The following NALCN variants were observed in gnomAD, a reference collection of about 807,000 sequenced individuals.
NALCN encodes sodium leak channel, non-selective.
In NALCN, 111 loss-of-function variants were observed where a neutral mutation model predicts 225.3. That is an observed-to-expected ratio of 0.49 (90% CI 0.42 to 0.58). NALCN has a LOEUF of 0.58. Among genes scored for constraint, NALCN ranks in the 20% least tolerant of loss-of-function variants. The pLI is 0.00. For synonymous variants in NALCN, 764 were observed against 769.0 expected, an observed-to-expected ratio of 0.99 and a Z score of 0.11; for missense variants, 1,378 against 2,202.4, an observed-to-expected ratio of 0.63 and a Z score of 7.49.
Position 101,377,051 on chromosome 13 carries a change from A to C in NALCN, c.381T>G (p.Phe127Leu). The C allele has an allele frequency of 6.2e-7, 1 of 1,614,146 alleles. No individual in the cohort carries two copies. Among genetic ancestry groups the C allele is most frequent in the Non-Finnish European group, 8.5e-7 (1 of 1,180,002 alleles). Residue 127 changes from phenylalanine (F) to leucine (L), a missense_variant, in exon 5 of 44, where the codon TTT becomes TTG. Coordinates refer to ENST00000251127, the MANE Select transcript of NALCN (RefSeq NM_052867.4). ...CLWVSLVLQVFEIADIVDQMS... is the reference protein window; with the variant it reads ...CLWVSLVLQVLEIADIVDQMS... ...TCTGATCAACTATATCAGCAATTTC[A>C]AACACCTACAAATTAAAAGATGGGT... is the stretch of plus-strand genomic sequence containing the variant.
chr13:101,313,252 C>G (rs1314870595), intron 7 of NALCN, among the ~76,000 whole-genome samples: 9 of 152,090 alleles, frequency 5.9e-5, no homozygotes, highest in Admixed American at 5.9e-4. Flanking sequence ...TAGGCAATAC[C>G]ATTCAGGACA....
chr13:101,412,477 T>G (rs1028372600), intron 1 of NALCN, among the ~76,000 whole-genome samples: 1 of 152,210 alleles, frequency 6.6e-6, no homozygotes, highest in African/African-American at 2.4e-5. Context: ...ACCCTGGACC[T>G]GTGGGGTCAG....
At chr13:101,331,618 C>T (rs1215098491) in intron 7 of NALCN, among the ~76,000 whole-genome samples, 3 of 152,036 alleles carry the variant, frequency 2.0e-5, no homozygotes, top group African/African-American at 7.2e-5. Flanking sequence ...AACTGTTGCA[C>T]CTTGAGTTTC....
rs1392143073 is a variant in NALCN, at chr13:101,104,766, T to C, written c.2637-116A>G. On this transcript the variant is annotated intron_variant, in intron 23 of 43. Transcript: ENST00000251127. This position sits in a 1 kb window ranked among gnomAD's most constrained non-coding sequence, Gnocchi z 4.2. ...ATGACTGGTATTTTAAAAACATCATTCCCCAATCATCTATTTCATAGCACT... is the reference window on the plus strand; with the variant it reads ...ATGACTGGTATTTTAAAAACATCATCCCCCAATCATCTATTTCATAGCACT... The C allele has an allele frequency of 3.2e-6, 5 of 1,546,288 alleles. No individual in the cohort carries two copies. The highest frequency in any genetic ancestry group is 4.4e-6 in the Non-Finnish European group (5 of 1,129,936).
intron 1 of NALCN, among the ~76,000 whole-genome samples, chr13:101,408,897 T>C (rs1455111779): frequency 1.3e-5 from 2 of 152,160 alleles, no homozygotes; most frequent in African/African-American, 2.4e-5. Context: ...AAACAGACTC[T>C]TCTGTTTTCC....
chr13:101,298,546 T>C (rs1341871296), intron 7 of NALCN, among the ~76,000 whole-genome samples: 1 of 152,164 alleles, frequency 6.6e-6, no homozygotes, highest in Non-Finnish European at 1.5e-5. Flanking sequence ...GGCCTCGAAC[T>C]CCTGACCTCA....
At chr13:101,216,972 A>G (rs1018880677) in intron 13 of NALCN, among the ~76,000 whole-genome samples, 8 of 152,186 alleles carry the variant, frequency 5.3e-5, no homozygotes, top group African/African-American at 1.7e-4. Flanking sequence ...AGGATAATAT[A>G]TTACTTAGAA....
At chr13:101,261,164 G>C (rs1054529037) in intron 10 of NALCN, among the ~76,000 whole-genome samples, 9 of 152,176 alleles carry the variant, frequency 5.9e-5, no homozygotes, top group African/African-American at 2.2e-4. Context: ...TTAAAAATGA[G>C]TTCACTGTAG....
chr13:101,132,635 C>T (rs1008734254), intron 17 of NALCN, among the ~76,000 whole-genome samples: 4 of 151,802 alleles, frequency 2.6e-5, no homozygotes, highest in Non-Finnish European at 5.9e-5. Context: ...CTCTTTTTTC[C>T]AGATTAAAGA....
Position 101,143,179 on chromosome 13 carries a change from GT to G in NALCN, c.2018del (p.Asp673AlafsTer6), listed in dbSNP as rs1392988397. On this transcript the variant is annotated frameshift_variant, in exon 17 of 44. Coordinates refer to ENST00000251127, the MANE Select transcript of NALCN (RefSeq NM_052867.4). LOFTEE classifies it high-confidence loss of function. The part of the protein sequence containing the change: ...MKQFIDRQQQ[D>X]TCCLLRSLPT... ...GGAGGCTTCTCAGGAGGCAACATGT[GT>G]CCTGTTGCTGGCGGTCAATAAACTG... The G allele has an allele frequency of 6.2e-7, 1 of 1,613,346 alleles. No homozygotes were observed. Among genetic ancestry groups the G allele is most frequent in the Non-Finnish European group, 8.5e-7 (1 of 1,179,832 alleles).
intron 10 of NALCN, among the ~76,000 whole-genome samples, chr13:101,273,709 C>T (rs186242192): frequency 1.3e-5 from 2 of 151,874 alleles, no homozygotes; most frequent in East Asian, 3.9e-4. Context: ...CACAGTGAAA[C>T]CCCGTCTCTT....
intron 10 of NALCN, among the ~76,000 whole-genome samples, chr13:101,268,660 T>C (rs367983850): frequency 9.8e-5 from 15 of 152,324 alleles, no homozygotes; most frequent in Admixed American, 7.8e-4. Context: ...TTTCTGGGCA[T>C]TGGGATACTG....
chr13:101,167,813 T>G (rs901108286), intron 15 of NALCN, among the ~76,000 whole-genome samples: 1 of 142,196 alleles, frequency 7.0e-6, no homozygotes, highest in African/African-American at 2.5e-5. Flanking sequence ...CACTCCAGCC[T>G]AAGGAAAAGG....
At chr13:101,296,322 A>T (rs909591321) in intron 7 of NALCN, among the ~76,000 whole-genome samples, 1 of 152,184 alleles carries the variant, frequency 6.6e-6, no homozygotes, top group African/African-American at 2.4e-5. Flanking sequence ...GCATTTCTCA[A>T]ATATTTGCTT....
At chr13:101,083,932 G>T in intron 30 of NALCN, 128 bp from the exon 31 acceptor site, 1 of 745,520 alleles carries the variant, frequency 1.3e-6, no homozygotes, top group Non-Finnish European at 2.0e-6. Context: ...TTCCAACCGT[G>T]GTGGTGAGAG....
intron 10 of NALCN, among the ~76,000 whole-genome samples, chr13:101,273,336 A>G (rs180871993): frequency 6.6e-6 from 1 of 152,324 alleles, no homozygotes; most frequent in Non-Finnish European, 1.5e-5. Flanking sequence ...CTAAAATAGT[A>G]TTTAAACAGC....
intron 19 of NALCN, among the ~76,000 whole-genome samples, 189 bp downstream of exon 19, chr13:101,110,935 TA>T (rs1374059024): frequency 1.3e-5 from 2 of 152,198 alleles, no homozygotes; most frequent in Non-Finnish European, 2.9e-5. Flanking sequence ...GATTGTGAAG[TA>T]GAGATTTTTT....
At chr13:101,116,333 T>TATATAA (rs527419441) in intron 18 of NALCN, 74 of 235,348 alleles carry the variant, frequency 3.1e-4, no homozygotes, top group Middle Eastern at 1.8e-3. Flanking sequence ...TATATATATA[T>TATATAA]AATCTTTTAT....
At chr13:101,110,541 T>C in intron 20 of NALCN, 78 bp downstream of exon 20, 1 of 1,470,046 alleles carries the variant, frequency 6.8e-7, no homozygotes, top group Non-Finnish European at 9.5e-7. Flanking sequence ...AGAAAGACAC[T>C]GGGCATTGTC....
Sources: allele counts gnomAD v4.1 joint callset (sites outside exome capture counted in the v4.1 genomes callset), GRCh38; gene constraint gnomAD v4.1.1; non-coding constraint Gnocchi (gnomAD v3.1); transcripts MANE v1.5; gene names NCBI Gene and HGNC (gene_info 2026-07-23, HGNC 2026-07-21).